Variants in RGL1 observed in about 807,000 individuals in gnomAD.
RGL1 encodes the protein ral guanine nucleotide dissociation stimulator like 1.
A neutral mutation model predicts 95.2 loss-of-function variants in RGL1; 24 were observed. The ratio of observed to expected loss-of-function variants is 0.25; its 90% CI spans 0.18 to 0.35. RGL1 has a LOEUF of 0.35. RGL1 is among the 10% of genes least tolerant of loss of function. The probability of loss-of-function intolerance (pLI) is 1.00; values close to 1 mark genes in which losing one functional copy is unlikely to be tolerated. For synonymous variants in RGL1, 329 were observed against 344.9 expected (o/e 0.95, Z 0.51); for missense variants, 715 against 936.3 (o/e 0.76, Z 3.08).
intron 1 of RGL1, among the ~76,000 whole-genome samples, chr1:183,652,918 T>C (rs897873555): frequency 3.3e-5 from 5 of 152,156 alleles, no homozygotes; most frequent in Non-Finnish European, 7.4e-5. Context: ...AACCACACCA[T>C]AAGGACAATC....
chr1:183,879,544 G>A (rs1406979080), intron 4 of RGL1, among the ~76,000 whole-genome samples: 1 of 152,172 alleles, frequency 6.6e-6, no homozygotes, highest in Non-Finnish European at 1.5e-5. Flanking sequence ...TTAAGATGAG[G>A]TGTTGTGTCT....
At position 183,883,822 on chromosome 1, in the gene RGL1, A is replaced by G. The variant is rs371536297; in HGVS notation, c.647A>G (p.Glu216Gly). The G allele has an allele frequency of 1.3e-5, 21 of 1,613,984 alleles. No homozygotes were observed. Among genetic ancestry groups the G allele is most frequent in the Non-Finnish European group, 1.7e-5 (20 of 1,179,910 alleles). Reference protein sequence around the residue: ...LPNTISFSLEEEEELEGGESA... With the variant: ...LPNTISFSLEGEEELEGGESA... ...AACACGATCTCCTTCAGCCTGGAAG[A>G]GGAAGAGGAACTGGAGGGTGGAGAG... Residue 216 changes from glutamate to glycine, a missense_variant, in exon 6 of 18, where the codon GAG becomes GGG. Transcript: ENST00000360851.
chr1:183,718,740 C>T (rs931248048), intron 1 of RGL1, among the ~76,000 whole-genome samples: 1 of 151,734 alleles, frequency 6.6e-6, no homozygotes, highest in African/African-American at 2.4e-5. Context: ...CATGGTGAAA[C>T]CCCCGTCTCT....
chr1:183,912,014 A>T, intron 14 of RGL1, 68 bp from the exon 15 acceptor site: 1 of 1,408,502 alleles, frequency 7.1e-7, no homozygotes, highest in South Asian at 1.3e-5. Flanking sequence ...ATCAACACAA[A>T]ATATTTGCCT....
chr1:183,860,861 A>G (rs79894606), intron 3 of RGL1, among the ~76,000 whole-genome samples: 263 of 152,302 alleles, frequency 1.7e-3, no homozygotes, highest in African/African-American at 6.2e-3. Context: ...CGTAGTCCTT[A>G]GTAAATAATC....
At chr1:183,715,122 C>T (rs955100263) in intron 1 of RGL1, among the ~76,000 whole-genome samples, 2 of 152,186 alleles carry the variant, frequency 1.3e-5, no homozygotes, top group Non-Finnish European at 2.9e-5. Flanking sequence ...AGTGGCAGAG[C>T]TTCATTTGAA....
chr1:183,678,320 C>T (rs1255230691), intron 1 of RGL1, among the ~76,000 whole-genome samples: 2 of 152,148 alleles, frequency 1.3e-5, no homozygotes, highest in African/African-American at 4.8e-5. Context: ...TATATTCTTC[C>T]CTATCATGAT....
chr1:183,897,569 T>TG (rs1231367325), intron 9 of RGL1, among the ~76,000 whole-genome samples: 6 of 149,154 alleles, frequency 4.0e-5, no homozygotes, highest in Non-Finnish European at 5.9e-5. Flanking sequence ...AAAACAAAGT[T>TG]GGGGGAAGAA....
intron 16 of RGL1, among the ~76,000 whole-genome samples, chr1:183,918,553 C>T (rs1467267903): frequency 6.6e-6 from 1 of 152,212 alleles, no homozygotes; most frequent in Non-Finnish European, 1.5e-5. Context: ...GTGCACTCTG[C>T]TCAGTCTGGG....
chr1:183,902,606 T>A lies in RGL1; in HGVS notation c.1350+6T>A. 6.2e-7 allele frequency: 1 copy of A among 1,610,122 alleles called. No homozygotes were observed. The highest frequency in any genetic ancestry group is 8.5e-7 in the Non-Finnish European group (1 of 1,178,808). ...ACTTTGAGAAAAGGAGAAGGGTAAG[T>A]AGAGTTGTTGGCTGTGTTTCCTTTG... On this transcript the variant is annotated splice_donor_region_variant and intron_variant, in intron 12 of 17. Transcript: ENST00000360851.
intron 1 of RGL1, among the ~76,000 whole-genome samples, chr1:183,643,557 C>T (rs2101979971): frequency 6.6e-6 from 1 of 152,238 alleles, no homozygotes; most frequent in East Asian, 1.9e-4. Flanking sequence ...TCCCAAAGTG[C>T]TGGGATTACA....
At chr1:183,906,699 A>G (rs1348549048) in intron 13 of RGL1, among the ~76,000 whole-genome samples, 2 of 152,182 alleles carry the variant, frequency 1.3e-5, no homozygotes, top group African/African-American at 2.4e-5. Context: ...TAGCAGTGGG[A>G]TGAGAATGAT....
At chr1:183,719,504 T>C (rs1191544169) in intron 1 of RGL1, among the ~76,000 whole-genome samples, 1 of 152,212 alleles carries the variant, frequency 6.6e-6, no homozygotes, top group Non-Finnish European at 1.5e-5. Flanking sequence ...TGTGGCTTCC[T>C]CCTTTGTTCT....
At chr1:183,866,658 CAT>C (rs1179425557) in intron 4 of RGL1, among the ~76,000 whole-genome samples, 1 of 152,128 alleles carries the variant, frequency 6.6e-6, no homozygotes, top group Non-Finnish European at 1.5e-5. Context: ...CAAGGGGACT[CAT>C]AGCAACTTGG....
chr1:183,697,617 A>C (rs1428999293), intron 1 of RGL1, among the ~76,000 whole-genome samples: 1 of 152,222 alleles, frequency 6.6e-6, no homozygotes, highest in Non-Finnish European at 1.5e-5. Context: ...TTGTAACATC[A>C]TGAGATAGTC....
At chr1:183,821,209 T>C (rs974728178) in intron 2 of RGL1, among the ~76,000 whole-genome samples, 3 of 152,190 alleles carry the variant, frequency 2.0e-5, no homozygotes, top group African/African-American at 4.8e-5. Flanking sequence ...TAAAAAATTT[T>C]AAATTGCCTA....
intron 1 of RGL1, among the ~76,000 whole-genome samples, chr1:183,731,251 T>C (rs947255072): frequency 6.6e-6 from 1 of 152,210 alleles, no homozygotes; most frequent in African/African-American, 2.4e-5. Context: ...ACTTACAGGT[T>C]ACCATATTTC....
At chr1:183,720,421 C>G (rs1032800002) in intron 1 of RGL1, among the ~76,000 whole-genome samples, 11 of 152,284 alleles carry the variant, frequency 7.2e-5, no homozygotes, top group African/African-American at 2.6e-4. Flanking sequence ...GCTTTGTTAC[C>G]ATTCTTTTTA....
chr1:183,807,085 T>C (rs1173066648), intron 2 of RGL1, among the ~76,000 whole-genome samples: 2 of 152,218 alleles, frequency 1.3e-5, no homozygotes, highest in Non-Finnish European at 2.9e-5. Flanking sequence ...CAGGACTCTT[T>C]TCCACTGAGA....
Sources: gnomAD v4.1 joint callset for allele counts (sites outside exome capture counted in the v4.1 genomes callset) on GRCh38, gnomAD v4.1.1 for gene constraint, MANE v1.5 for transcripts, NCBI Gene and HGNC (gene_info 2026-07-23, HGNC 2026-07-21) for gene names.